Variants in NAALADL2 observed in about 807,000 individuals in gnomAD.
NAALADL2 encodes the protein N-acetylated alpha-linked acidic dipeptidase like 2.
NAALADL2 carries 76 observed loss-of-function variants against 87.2 expected under a neutral mutation model. That is an observed-to-expected ratio of 0.87 (90% CI 0.72 to 1.05). The LOEUF is 1.05. Among genes scored for constraint, NAALADL2 ranks in the 50% least tolerant of loss-of-function variants. NAALADL2 has a pLI of 0.00. For missense variants in NAALADL2, 1,089 were observed against 945.8 expected, an observed-to-expected ratio of 1.15 and a Z score of -1.99; for synonymous variants, 354 against 331.0, an observed-to-expected ratio of 1.07 and a Z score of -0.75.
At chr3:175,557,987 A>G (rs370721269) in intron 9 of NAALADL2, among the ~76,000 whole-genome samples, 12 of 151,984 alleles carry the variant, frequency 7.9e-5, no homozygotes, top group African/African-American at 2.9e-4. Context: ...GAGGTCAGGA[A>G]ATCGAGACCA....
At chr3:175,181,890 C>T (rs36013544) in intron 2 of NAALADL2, among the ~76,000 whole-genome samples, 39,479 of 150,518 alleles carry the variant, frequency 0.26, 5,930 homozygotes, top group South Asian at 0.34. Context: ...TGAGACACTC[C>T]TTTTATTTCA....
intron 8 of NAALADL2, among the ~76,000 whole-genome samples, chr3:175,471,185 T>A (rs1724810917): frequency 6.6e-6 from 1 of 152,100 alleles, no homozygotes; most frequent in Admixed American, 6.6e-5. Context: ...TAGGATCACT[T>A]TTTTAAGAAA....
At chr3:175,715,362 G>A (rs1298687610) in intron 11 of NAALADL2, among the ~76,000 whole-genome samples, 1 of 152,098 alleles carries the variant, frequency 6.6e-6, no homozygotes, top group Admixed American at 6.6e-5. Flanking sequence ...CAATAGCAGT[G>A]TCTTTAAAAT....
At chr3:175,673,782 A>C (rs1389124324) in intron 11 of NAALADL2, among the ~76,000 whole-genome samples, 1 of 152,110 alleles carries the variant, frequency 6.6e-6, no homozygotes, top group Non-Finnish European at 1.5e-5. Context: ...GAATATAAAG[A>C]CTAAAAATTT....
intron 4 of NAALADL2, among the ~76,000 whole-genome samples, chr3:175,287,947 A>G (rs1755180732): frequency 6.6e-6 from 1 of 152,194 alleles, no homozygotes; most frequent in Non-Finnish European, 1.5e-5. Context: ...ATTATTATAC[A>G]GTTAACTCTC....
At chr3:175,394,883 T>TGACAGACAATTC (rs1289086392) in intron 5 of NAALADL2, among the ~76,000 whole-genome samples, 1 of 152,210 alleles carries the variant, frequency 6.6e-6, no homozygotes, top group Non-Finnish European at 1.5e-5. Flanking sequence ...TCTCACAATT[T>TGACAGACAATTC]GACAGACAAT....
At chr3:174,479,975 C>G (rs1026235641) in intron 1 of NAALADL2, among the ~76,000 whole-genome samples, 5 of 152,004 alleles carry the variant, frequency 3.3e-5, no homozygotes, top group African/African-American at 1.2e-4. Context: ...TGAGATAAGA[C>G]ATGGTAATAT....
intron 2 of NAALADL2, among the ~76,000 whole-genome samples, chr3:174,712,380 C>T (rs202035493): frequency 4.3e-5 from 3 of 70,448 alleles, no homozygotes; most frequent in East Asian, 4.4e-4. Context: ...TTCTCCTCTT[C>T]TTTTTTTTTT....
intron 5 of NAALADL2, among the ~76,000 whole-genome samples, chr3:175,445,736 G>A (rs999107814): frequency 2.0e-5 from 3 of 151,906 alleles, no homozygotes; most frequent in Non-Finnish European, 4.4e-5. Context: ...ACAACTTTTG[G>A]TCCCTTTAAG....
At chr3:175,777,858 A>G (rs1331220052) in intron 13 of NAALADL2, among the ~76,000 whole-genome samples, 5 of 152,060 alleles carry the variant, frequency 3.3e-5, no homozygotes, top group African/African-American at 7.3e-5. Context: ...CTTTTTCTCA[A>G]TGTGGAACTT....
At chr3:175,700,244 C>T (rs1042722606) in intron 11 of NAALADL2, among the ~76,000 whole-genome samples, 3 of 152,030 alleles carry the variant, frequency 2.0e-5, no homozygotes, top group Non-Finnish European at 4.4e-5. Flanking sequence ...GCTATGTTTT[C>T]CCCCAGCTTC....
intron 10 of NAALADL2, among the ~76,000 whole-genome samples, chr3:175,622,518 A>G (rs1726372526): frequency 6.6e-6 from 1 of 152,078 alleles, no homozygotes; most frequent in African/African-American, 2.4e-5. Context: ...ACCTGGCTTT[A>G]TCTGAGTACT....
intron 1 of NAALADL2, among the ~76,000 whole-genome samples, chr3:175,047,327 A>T (rs1189307587): frequency 1.3e-5 from 2 of 152,164 alleles, no homozygotes; most frequent in Non-Finnish European, 2.9e-5. Context: ...GACAAAAAAC[A>T]TGTATTTCCC....
Position 175,256,321 on chromosome 3 carries a change from A to T in NAALADL2, c.820-90A>T, listed in dbSNP as rs1399300493. The stretch of plus-strand genomic sequence containing the variant: ...AATTCTATATTGAACATTTCAAATT[A>T]TGATGAATAATTTTGTTATACTAAA... On this transcript the variant is annotated intron_variant, in intron 3 of 13. Transcript: ENST00000454872. 4 of 1,213,418 alleles carry T rather than the reference A, an allele frequency of 3.3e-6. No individual in the cohort carries two copies. The Admixed American group carries it at 8.5e-5, about 26-fold the overall frequency. The allele number at this position is 1,213,418 out of a possible 1,614,324, so 75.2% of individuals were successfully genotyped here.
intron 2 of NAALADL2, among the ~76,000 whole-genome samples, chr3:174,605,173 T>A (rs1718870565): frequency 6.6e-6 from 1 of 152,056 alleles, no homozygotes; most frequent in African/African-American, 2.4e-5. Flanking sequence ...AAAGTAAAAC[T>A]AGGGGGTCGA....
In NAALADL2 at chr3:175,013,115, TAAA is replaced by T. The variant is rs1472349167; in HGVS notation, c.44-83674_44-83672del. Reference sequence around the variant, plus strand: ...ATATATAAATATACATATTTATATATAAATATACATATTTATATATAAATATGT... The same window carrying T: ...ATATATAAATATACATATTTATATATTATACATATTTATATATAAATATGT... On this transcript the variant is annotated intron_variant, in intron 1 of 13. Transcript: ENST00000454872. Among the ~76,000 whole-genome samples the T allele has an allele frequency of 6.3e-4, 5 of 7,988 alleles. 1 individual carries two copies. The highest frequency in any genetic ancestry group is 9.3e-3 in the East Asian group (2 of 216). 5.2% of individuals were successfully genotyped at this position (7,988 alleles called of 152,430 possible). A position where few individuals can be genotyped will look rare whatever the true frequency, so the allele number is the denominator to read the frequency against.
At chr3:174,670,666 G>A (rs1251246768) in intron 2 of NAALADL2, among the ~76,000 whole-genome samples, 2 of 151,930 alleles carry the variant, frequency 1.3e-5, no homozygotes, top group Non-Finnish European at 1.5e-5. Flanking sequence ...GAATTGAACT[G>A]TAGGAAATTA....
chr3:175,801,967 T>C (rs1035794300), intron 13 of NAALADL2, among the ~76,000 whole-genome samples: 1 of 152,106 alleles, frequency 6.6e-6, no homozygotes, highest in Admixed American at 6.6e-5. Flanking sequence ...GTCAAACATA[T>C]ATAAAAGAAG....
chr3:174,553,000 C>T (rs1198685213), intron 2 of NAALADL2, among the ~76,000 whole-genome samples: 1 of 151,910 alleles, frequency 6.6e-6, no homozygotes, highest in Non-Finnish European at 1.5e-5. Flanking sequence ...TTGTGTTTTG[C>T]TAAAGATGAT....
Sources: allele counts gnomAD v4.1 joint callset (sites outside exome capture counted in the v4.1 genomes callset), GRCh38; gene constraint gnomAD v4.1.1; transcripts MANE v1.5; gene names NCBI Gene and HGNC (gene_info 2026-07-23, HGNC 2026-07-21).